GALNT13: variants seen among roughly 807,000 people sequenced by gnomAD.
GALNT13 encodes the protein polypeptide N-acetylgalactosaminyltransferase 13.
A neutral mutation model predicts 64.2 loss-of-function variants in GALNT13; 28 were observed. The ratio of observed to expected loss-of-function variants is 0.44; its 90% CI spans 0.32 to 0.60. GALNT13 has a LOEUF of 0.60. Among genes scored for constraint, GALNT13 ranks in the 20% least tolerant of loss-of-function variants. GALNT13 has a pLI of 0.05. For synonymous variants in GALNT13, 214 were observed against 224.6 expected (o/e 0.95, Z 0.42); for missense variants, 577 against 669.8 (o/e 0.86, Z 1.53).
intron 9 of GALNT13, among the ~76,000 whole-genome samples, chr2:154,389,488 A>G (rs565869083): frequency 6.8e-4 from 103 of 152,308 alleles, no homozygotes; most frequent in African/African-American, 2.3e-3. Flanking sequence ...TTATGCTGCA[A>G]TATGTATTCT....
At chr2:153,679,526 A>AT in the GALNT13 span, among the ~76,000 whole-genome samples, 1 of 151,814 alleles carries the variant, frequency 6.6e-6, no homozygotes. Flanking sequence ...CGTGTGTTTC[A>AT]TTTTTTCTAT....
At chr2:153,679,495 G>A in the GALNT13 span, among the ~76,000 whole-genome samples, 1 of 151,740 alleles carries the variant, frequency 6.6e-6, no homozygotes, top group African/African-American at 2.4e-5. Flanking sequence ...TCTAAAAAAT[G>A]TACATGCATT....
chr2:154,142,819 CAT>C (rs974261065), intron 4 of GALNT13, among the ~76,000 whole-genome samples: 2 of 149,082 alleles, frequency 1.3e-5, no homozygotes, highest in African/African-American at 4.9e-5. Context: ...TAGTCCTGTG[CAT>C]ATGTGTGTGT....
rs1394934081 is a variant in GALNT13 at position 154,000,219 on chromosome 2, T to G, written c.142+55580T>G. Among the ~76,000 whole-genome samples the G allele has an allele frequency of 3.3e-5, 5 of 151,622 alleles. 1 individual carries two copies. Among genetic ancestry groups the G allele is most frequent in the African/African-American group, 1.2e-4 (5 of 41,096 alleles). ...ATTTAGTTGAGTTTTTACTCTTTGT[T>G]TTTAGTCTAGCTAAAATTGTATCTG... is the stretch of plus-strand genomic sequence containing the variant. On this transcript the variant is annotated intron_variant, in intron 3 of 12. Transcript: ENST00000392825.
At chr2:154,312,139 TAA>T (rs1694080260) in intron 9 of GALNT13, among the ~76,000 whole-genome samples, 1 of 152,136 alleles carries the variant, frequency 6.6e-6, no homozygotes, top group Non-Finnish European at 1.5e-5. Flanking sequence ...GGGGAAGTGA[TAA>T]GTGTCCATGA....
chr2:154,201,280 A>T (rs1301065249), intron 4 of GALNT13, among the ~76,000 whole-genome samples: 2 of 152,136 alleles, frequency 1.3e-5, no homozygotes, highest in Admixed American at 6.6e-5. Flanking sequence ...ACAGCATGAG[A>T]GAATAATTCT....
chr2:154,262,789 G>T (rs1053597090), intron 8 of GALNT13, among the ~76,000 whole-genome samples: 15 of 152,006 alleles, frequency 9.9e-5, no homozygotes, highest in Non-Finnish European at 1.6e-4. Flanking sequence ...AGGAAGGAAA[G>T]ATTCTATGAA....
At chr2:154,014,773 C>T (rs1313695984) in intron 3 of GALNT13, among the ~76,000 whole-genome samples, 2 of 151,168 alleles carry the variant, frequency 1.3e-5, no homozygotes, top group Admixed American at 1.3e-4. Context: ...GCTGGGACTA[C>T]AGGCGCCCAC....
the GALNT13 span, among the ~76,000 whole-genome samples, chr2:153,434,004 G>T: frequency 6.6e-6 from 1 of 151,560 alleles, no homozygotes; most frequent in Non-Finnish European, 1.5e-5. Flanking sequence ...AACAGTCCCC[G>T]GTGTGTGATG....
At chr2:153,761,007 T>C in the GALNT13 span, among the ~76,000 whole-genome samples, 1 of 152,278 alleles carries the variant, frequency 6.6e-6, no homozygotes, top group Middle Eastern at 3.4e-3. Context: ...TTTACTGTGT[T>C]TGATTTAAAG....
At chr2:153,353,966 G>A in the GALNT13 span, among the ~76,000 whole-genome samples, 5 of 152,142 alleles carry the variant, frequency 3.3e-5, no homozygotes, top group Non-Finnish European at 7.4e-5. Context: ...AAATGTAGTA[G>A]AAAATTGGTG....
chr2:153,509,629 G>A, the GALNT13 span, among the ~76,000 whole-genome samples: 2 of 152,332 alleles, frequency 1.3e-5, no homozygotes, highest in East Asian at 3.9e-4. Context: ...ATATAGATAG[G>A]AGGTGTCAAA....
chr2:153,541,574 C>T, the GALNT13 span, among the ~76,000 whole-genome samples: 2 of 152,204 alleles, frequency 1.3e-5, no homozygotes, highest in African/African-American at 2.4e-5. Context: ...AACCTTCTCC[C>T]CTGCGTTTCT....
chr2:154,039,964 C>G (rs67207506), intron 3 of GALNT13, among the ~76,000 whole-genome samples: 8,377 of 140,432 alleles, frequency 0.06, 1,344 homozygotes, highest in South Asian at 0.14. Flanking sequence ...ACACTGTTAT[C>G]TGTAGCTTAC....
chr2:154,144,299 T>A (rs1056954777), intron 4 of GALNT13, among the ~76,000 whole-genome samples: 9 of 152,162 alleles, frequency 5.9e-5, no homozygotes, highest in African/African-American at 1.7e-4. Context: ...ATGAGTCACA[T>A]ATCCAAACTG....
At chr2:154,254,456 A>C (rs1690258738) in intron 7 of GALNT13, among the ~76,000 whole-genome samples, 1 of 152,196 alleles carries the variant, frequency 6.6e-6, no homozygotes, top group African/African-American at 2.4e-5. Flanking sequence ...CAGAAGCAGA[A>C]GAATCTAGAG....
intron 9 of GALNT13, among the ~76,000 whole-genome samples, chr2:154,357,969 TTC>T (rs1208251089): frequency 1.3e-5 from 2 of 152,092 alleles, no homozygotes; most frequent in Non-Finnish European, 2.9e-5. Context: ...TATACTGAGT[TTC>T]TGACTTACTC....
the GALNT13 span, among the ~76,000 whole-genome samples, chr2:153,775,893 C>A: frequency 3.3e-5 from 5 of 151,942 alleles, no homozygotes; most frequent in African/African-American, 1.2e-4. Context: ...AAATTTTATT[C>A]TTTCTTTTTT....
chr2:153,340,990 T>C, the GALNT13 span, among the ~76,000 whole-genome samples: 29 of 152,292 alleles, frequency 1.9e-4, no homozygotes, highest in South Asian at 5.0e-3. Context: ...AATCGTAAGC[T>C]CTGAGGTCTG....
Sources: gnomAD v4.1 joint callset for allele counts (sites outside exome capture counted in the v4.1 genomes callset) on GRCh38, gnomAD v4.1.1 for gene constraint, MANE v1.5 for transcripts, NCBI Gene and HGNC (gene_info 2026-07-23, HGNC 2026-07-21) for gene names.